Variants in EPYC observed in about 807,000 individuals in gnomAD.
EPYC encodes epiphycan.
In EPYC, 28 loss-of-function variants were observed where a neutral mutation model predicts 30.1. The ratio of observed to expected loss-of-function variants is 0.93; its 90% CI spans 0.69 to 1.28. The LOEUF is 1.28. Among genes scored for constraint, EPYC ranks in the 50% most tolerant of loss-of-function variants. EPYC has a pLI of 0.00. For synonymous variants in EPYC, 144 were observed against 141.4 expected (o/e 1.02, Z -0.13); for missense variants, 382 against 383.5 (o/e 1.00, Z 0.03).
At chr12:91,001,956 A>AG (rs886078824) in intron 2 of EPYC, among the ~76,000 whole-genome samples, 9 of 151,914 alleles carry the variant, frequency 5.9e-5, no homozygotes, top group African/African-American at 1.7e-4. Context: ...GGGAAGGCTG[A>AG]GGGGGGTGCA....
intron 2 of EPYC, among the ~76,000 whole-genome samples, chr12:91,001,274 A>C (rs1210499901): frequency 1.3e-5 from 2 of 152,120 alleles, no homozygotes; most frequent in Non-Finnish European, 2.9e-5. Context: ...GATATATCTA[A>C]GTTCAATACA....
chr12:90,980,328 T>C (rs919790032), intron 2 of EPYC, among the ~76,000 whole-genome samples: 3 of 152,248 alleles, frequency 2.0e-5, no homozygotes, highest in African/African-American at 7.2e-5. Flanking sequence ...AACAGCTTTT[T>C]GTGTTTATCA....
intron 1 of EPYC, among the ~76,000 whole-genome samples, chr12:91,002,920 A>G (rs553646453): frequency 1.1e-4 from 16 of 152,160 alleles, no homozygotes; most frequent in African/African-American, 3.1e-4. Flanking sequence ...TCCTTCATCA[A>G]CTCTGGGATA....
chr12:90,969,441 T>C (rs1314166399), intron 6 of EPYC, among the ~76,000 whole-genome samples: 1 of 151,920 alleles, frequency 6.6e-6, no homozygotes, highest in African/African-American at 2.4e-5. Context: ...ATTCATTCAT[T>C]AAACTAATCA....
chr12:90,999,980 T>A (rs1877785706), intron 2 of EPYC, among the ~76,000 whole-genome samples: 1 of 152,120 alleles, frequency 6.6e-6, no homozygotes, highest in African/African-American at 2.4e-5. Context: ...TTACTAGGTC[T>A]ACCCTATAAA....
At chr12:90,966,991 G>T (rs1356091327) in intron 6 of EPYC, among the ~76,000 whole-genome samples, 2 of 151,732 alleles carry the variant, frequency 1.3e-5, no homozygotes, top group Non-Finnish European at 2.9e-5. Flanking sequence ...CCTGATTTTA[G>T]TAATTTGTGA....
At position 91,001,325 on chromosome 12, in the gene EPYC, G is replaced by A. The variant is rs1461580096; in HGVS notation, c.165+1076C>T. On this transcript the variant is annotated intron_variant, in intron 2 of 6. Coordinates refer to ENST00000261172, the MANE Select transcript of EPYC (RefSeq NM_004950.5). The stretch of plus-strand genomic sequence containing the variant: ...TTCATCTAAATATTTTCTATCCTTG[G>A]TTATCAAAAGTAGTTATTCTAAGAA... Among the ~76,000 whole-genome samples, 3 of 151,934 alleles carry A rather than the reference G, an allele frequency of 2.0e-5. No individual in the cohort carries two copies. The East Asian group carries it at 5.8e-4, about 29-fold the overall frequency.
At chr12:90,970,853 G>T (rs545268987) in intron 5 of EPYC, among the ~76,000 whole-genome samples, 2 of 152,178 alleles carry the variant, frequency 1.3e-5, no homozygotes, top group Non-Finnish European at 2.9e-5. Flanking sequence ...GAATACTGTG[G>T]TGTCTCTCTA....
intron 1 of EPYC, among the ~76,000 whole-genome samples, chr12:91,003,578 G>A (rs533692126): frequency 6.6e-6 from 1 of 151,270 alleles, no homozygotes; most frequent in African/African-American, 2.4e-5. Context: ...ATACATTTTG[G>A]TTTAGAAAAA....
chr12:91,002,262 G>A lies in EPYC; in HGVS notation c.165+139C>T, dbSNP rs1252248369. ...CCTCCAAAAGATTGAACATGTTTTG[G>A]AGAAAAGGTTAATATGAAATTATTA... is the stretch of plus-strand genomic sequence containing the variant. On this transcript the variant is annotated intron_variant, in intron 2 of 6. Coordinates refer to ENST00000261172, the MANE Select transcript of EPYC (RefSeq NM_004950.5). The A allele has an allele frequency of 1.1e-5, 7 of 610,576 alleles. No homozygotes were observed. In the East Asian group the frequency reaches 2.3e-4, roughly 20 times the overall value. 37.8% of individuals were successfully genotyped at this position (610,576 alleles called of 1,614,324 possible). A position where few individuals can be genotyped will look rare whatever the true frequency, so the allele number is the denominator to read the frequency against.
At chr12:90,967,045 G>C (rs762881138) in intron 6 of EPYC, among the ~76,000 whole-genome samples, 1 of 151,772 alleles carries the variant, frequency 6.6e-6, no homozygotes, top group Non-Finnish European at 1.5e-5. Context: ...TCAATTTGTT[G>C]ATCTTTTAAA....
At chr12:90,982,150 C>T (rs971789667) in intron 2 of EPYC, among the ~76,000 whole-genome samples, 4 of 152,088 alleles carry the variant, frequency 2.6e-5, no homozygotes, top group African/African-American at 7.2e-5. Flanking sequence ...TCATTACTTT[C>T]GCTCCCTATC....
chr12:90,983,776 C>T (rs1877381364), intron 2 of EPYC, among the ~76,000 whole-genome samples: 1 of 152,112 alleles, frequency 6.6e-6, no homozygotes, highest in Non-Finnish European at 1.5e-5. Context: ...CACTCCATCT[C>T]TGGTGCTTTT....
At chr12:90,989,333 A>G (rs995225008) in intron 2 of EPYC, among the ~76,000 whole-genome samples, 4 of 152,012 alleles carry the variant, frequency 2.6e-5, no homozygotes, top group Non-Finnish European at 4.4e-5. Context: ...ACTTATTTCC[A>G]TTTATTTACT....
At chr12:90,999,570 A>G (rs1031290009) in intron 2 of EPYC, among the ~76,000 whole-genome samples, 2 of 152,042 alleles carry the variant, frequency 1.3e-5, no homozygotes, top group African/African-American at 2.4e-5. Flanking sequence ...ACTGTACCCT[A>G]TATTGGTTAC....
chr12:91,001,674 A>G (rs2120876276), intron 2 of EPYC, among the ~76,000 whole-genome samples: 1 of 152,218 alleles, frequency 6.6e-6, no homozygotes. Flanking sequence ...TGGAGTTCCA[A>G]ACTATTGTTC....
intron 3 of EPYC, among the ~76,000 whole-genome samples, chr12:90,977,588 A>G (rs141860012): frequency 6.6e-6 from 1 of 152,152 alleles, no homozygotes; most frequent in Non-Finnish European, 1.5e-5. Flanking sequence ...TCTCCATGAT[A>G]ATGAGAAGAG....
intron 4 of EPYC, among the ~76,000 whole-genome samples, chr12:90,972,320 G>A (rs1486398592): frequency 6.6e-6 from 1 of 152,066 alleles, no homozygotes; most frequent in African/African-American, 2.4e-5. Context: ...TTTTCTAATA[G>A]TCAAAGATAC....
chr12:90,984,148 A>G lies in EPYC; in HGVS notation c.166-5886T>C, dbSNP rs147863345. Among the ~76,000 whole-genome samples the G allele has an allele frequency of 1.1e-4, 17 of 152,282 alleles. No individual in the cohort carries two copies. In the East Asian group the frequency reaches 3.3e-3, roughly 29 times the overall value. ...ACAGGGGTAAGGTCCCAATACTAACAGGAAAACGCTTAGGACTCTAACAGA... is the reference window on the plus strand; with the variant it reads ...ACAGGGGTAAGGTCCCAATACTAACGGGAAAACGCTTAGGACTCTAACAGA... On this transcript the variant is annotated intron_variant, in intron 2 of 6. Coordinates refer to ENST00000261172, the MANE Select transcript of EPYC (RefSeq NM_004950.5).
Sources: allele counts gnomAD v4.1 joint callset (sites outside exome capture counted in the v4.1 genomes callset), GRCh38; gene constraint gnomAD v4.1.1; transcripts MANE v1.5; gene names NCBI Gene and HGNC (gene_info 2026-07-23, HGNC 2026-07-21).